The following KIZ variants were observed in gnomAD, a reference collection of about 807,000 sequenced individuals.
The protein encoded by KIZ is centrosomal protein kizuna.
Under a neutral mutation model 79.6 loss-of-function variants are expected in KIZ, and 68 were observed. That is an observed-to-expected ratio of 0.85 (90% confidence interval 0.70 to 1.05). KIZ has a LOEUF of 1.05. Ranked by LOEUF, KIZ falls within the 50% of genes least tolerant of loss-of-function variation. The pLI is 0.00. For missense variants in KIZ, 797 were observed against 800.4 expected (o/e 1.00, Z 0.05); for synonymous variants, 280 against 281.8 (o/e 0.99, Z 0.06).
intron 11 of KIZ, among the ~76,000 whole-genome samples, chr20:21,240,833 A>G (rs1332999801): frequency 6.6e-6 from 1 of 152,272 alleles, no homozygotes; most frequent in Non-Finnish European, 1.5e-5. Context: ...CGTGAAGTTT[A>G]ATTGGAATAC....
chr20:21,172,320 A>G (rs1363071809), intron 6 of KIZ, among the ~76,000 whole-genome samples: 3 of 152,154 alleles, frequency 2.0e-5, no homozygotes, highest in African/African-American at 7.2e-5. Flanking sequence ...TATTATGACA[A>G]AGGGCCAGGC....
At chr20:21,167,101 C>A (rs556206899) in intron 6 of KIZ, among the ~76,000 whole-genome samples, 1 of 152,188 alleles carries the variant, frequency 6.6e-6, no homozygotes, top group Admixed American at 6.6e-5. Context: ...ACTGCATCTC[C>A]AGCAGACACC....
intron 1 of KIZ, among the ~76,000 whole-genome samples, chr20:21,127,985 A>G (rs1280345681): frequency 1.3e-5 from 2 of 152,206 alleles, no homozygotes; most frequent in Non-Finnish European, 2.9e-5. Flanking sequence ...TCTGTATCCA[A>G]TTTGAGTGTT....
In KIZ at chr20:21,232,769, A is replaced by T; in HGVS notation, c.1819A>T (p.Thr607Ser). ...NIGSGAFETK[T>S]ANKIASEASF... Reference sequence around the variant, plus strand: ...TGGCAGCGGTGCATTCGAGACAAAGACAGCTAACAAAATTGCTTCGGAAGC... The same window carrying T: ...TGGCAGCGGTGCATTCGAGACAAAGTCAGCTAACAAAATTGCTTCGGAAGC... Residue 607 changes from threonine (T) to serine (S), a missense_variant, in exon 11 of 13, where the codon ACA becomes TCA. Coordinates refer to ENST00000619189, the MANE Select transcript of KIZ (RefSeq NM_018474.6). 2 of 1,594,936 alleles carry T rather than the reference A, an allele frequency of 1.3e-6. No homozygotes were observed. Among genetic ancestry groups the T allele is most frequent in the Non-Finnish European group, 1.7e-6 (2 of 1,168,032 alleles).
intron 9 of KIZ, among the ~76,000 whole-genome samples, chr20:21,225,226 C>T (rs762701553): frequency 3.3e-5 from 5 of 152,158 alleles, no homozygotes; most frequent in South Asian, 4.1e-4. Context: ...TAAATCTTGA[C>T]GCAGATTTGA....
At chr20:21,146,940 A>T (rs779211769) in intron 4 of KIZ, among the ~76,000 whole-genome samples, 1 of 152,224 alleles carries the variant, frequency 6.6e-6, no homozygotes, top group Non-Finnish European at 1.5e-5. Flanking sequence ...AATGACGTAT[A>T]TGCCATTCGA....
chr20:21,194,466 T>C (rs2035252848), intron 6 of KIZ: 1 of 152,260 alleles, frequency 6.6e-6, no homozygotes, highest in African/African-American at 2.4e-5. Flanking sequence ...GTTTGAATTC[T>C]TTAGTTGAGT....
chr20:21,134,680 TC>T (rs759879703), intron 2 of KIZ, among the ~76,000 whole-genome samples: 3 of 146,962 alleles, frequency 2.0e-5, no homozygotes, highest in Admixed American at 6.9e-5. Context: ...TTTTTTTTTT[TC>T]CCCAAGACAG....
intron 2 of KIZ, among the ~76,000 whole-genome samples, chr20:21,132,678 C>T (rs761988491): frequency 1.3e-5 from 2 of 152,114 alleles, no homozygotes; most frequent in African/African-American, 2.4e-5. Context: ...TGGTTAAAAT[C>T]GGTATGAGAT....
chr20:21,197,929 G>C (rs1026548353), intron 6 of KIZ: 6 of 152,198 alleles, frequency 3.9e-5, no homozygotes, highest in African/African-American at 1.4e-4. Flanking sequence ...TCCTACCTGG[G>C]GGTGGCAGCT....
intron 9 of KIZ, among the ~76,000 whole-genome samples, chr20:21,220,177 C>A (rs918452694): frequency 6.7e-6 from 1 of 149,264 alleles, no homozygotes; most frequent in Non-Finnish European, 1.5e-5. Flanking sequence ...ATATAAAATC[C>A]TTAATTATAT....
chr20:21,213,585 A>G (rs1321852379), intron 7 of KIZ: 1 of 152,222 alleles, frequency 6.6e-6, no homozygotes, highest in Non-Finnish European at 1.5e-5. Context: ...ACCTAAGGAA[A>G]TCGCCACCTG....
intron 3 of KIZ, among the ~76,000 whole-genome samples, chr20:21,138,054 G>C (rs1322810642): frequency 7.0e-6 from 1 of 143,320 alleles, no homozygotes; most frequent in East Asian, 2.0e-4. Flanking sequence ...TTATGGGTTT[G>C]AGCCACTGCA....
intron 6 of KIZ, among the ~76,000 whole-genome samples, chr20:21,174,881 A>C (rs1158568694): frequency 6.6e-6 from 1 of 152,236 alleles, no homozygotes; most frequent in Non-Finnish European, 1.5e-5. Flanking sequence ...TGCCTGGAAT[A>C]ATAGGTTTGA....
At chr20:21,245,345 G>A (rs1303546020) in intron 12 of KIZ, 1 of 152,180 alleles carries the variant, frequency 6.6e-6, no homozygotes, top group Non-Finnish European at 1.5e-5. Context: ...GGTTGTGATG[G>A]AGAGTATGGG....
At chr20:21,170,600 G>C (rs913741124) in intron 6 of KIZ, among the ~76,000 whole-genome samples, 44 of 152,236 alleles carry the variant, frequency 2.9e-4, no homozygotes, top group African/African-American at 1.1e-3. Flanking sequence ...GTGTTAGCCA[G>C]GATAATCTCG....
chr20:21,147,607 T>G (rs1357417094), intron 4 of KIZ, among the ~76,000 whole-genome samples: 1 of 152,180 alleles, frequency 6.6e-6, no homozygotes, highest in African/African-American at 2.4e-5. Flanking sequence ...AATCAATAAA[T>G]AGTTGTTAAG....
intron 7 of KIZ, among the ~76,000 whole-genome samples, chr20:21,212,681 A>G (rs1018320129): frequency 6.6e-6 from 1 of 152,202 alleles, no homozygotes; most frequent in Non-Finnish European, 1.5e-5. Flanking sequence ...TATGCCCACC[A>G]CATTATTTAC....
intron 6 of KIZ, among the ~76,000 whole-genome samples, chr20:21,172,732 T>G (rs924620293): frequency 6.6e-6 from 1 of 152,098 alleles, no homozygotes; most frequent in South Asian, 2.1e-4. Context: ...GGACCTGAAG[T>G]GGGAGAGTTG....
Sources: gnomAD v4.1 joint callset for allele counts (sites outside exome capture counted in the v4.1 genomes callset) on GRCh38, gnomAD v4.1.1 for gene constraint, MANE v1.5 for transcripts, NCBI Gene and HGNC (gene_info 2026-07-23, HGNC 2026-07-21) for gene names.